MARCHF2: variants seen among roughly 807,000 people sequenced by gnomAD.
MARCHF2 encodes the protein membrane associated ring-CH-type finger 2.
A neutral mutation model predicts 24.0 loss-of-function variants in MARCHF2; 22 were observed. The ratio of observed to expected loss-of-function variants is 0.92; its 90% CI spans 0.66 to 1.31. The LOEUF is 1.31. Ranked by LOEUF, MARCHF2 falls within the 50% of genes most tolerant of loss-of-function variation. The pLI is 0.00. For synonymous variants in MARCHF2, 154 were observed against 153.0 expected (o/e 1.01, Z -0.05); for missense variants, 301 against 335.3 (o/e 0.90, Z 0.80).
At chr19:8,422,394 A>G (rs1327370851) in intron 2 of MARCHF2, among the ~76,000 whole-genome samples, 4 of 151,610 alleles carry the variant, frequency 2.6e-5, no homozygotes, top group Non-Finnish European at 1.5e-5. Flanking sequence ...TCACCACTGT[A>G]TCTCTCTTTT....
At chr19:8,420,115 G>A (rs1243217115) in intron 1 of MARCHF2, among the ~76,000 whole-genome samples, 5 of 150,088 alleles carry the variant, frequency 3.3e-5, no homozygotes, top group Admixed American at 1.3e-4. Context: ...CTGAGATCGC[G>A]CCACTGCACT....
chr19:8,428,885 A>C (rs1967495717), intron 3 of MARCHF2, among the ~76,000 whole-genome samples: 1 of 151,920 alleles, frequency 6.6e-6, no homozygotes, highest in Non-Finnish European at 1.5e-5. Flanking sequence ...CAGTGAGCCA[A>C]GATTGCACCA....
chr19:8,421,746 C>T (rs1370515155), intron 1 of MARCHF2, 43 bp from the exon 2 acceptor site: 3 of 1,158,290 alleles, frequency 2.6e-6, no homozygotes, highest in Non-Finnish European at 2.4e-6. Flanking sequence ...GTCCGTCAGG[C>T]TCATTAACCT....
chr19:8,415,721 C>CAAAAAAAAAAAAAAAAAAAAAAAAA (rs1309501077), intron 1 of MARCHF2, among the ~76,000 whole-genome samples: 4 of 17,846 alleles, frequency 2.2e-4, no homozygotes, highest in Admixed American at 7.2e-4. Context: ...AACTCCATCT[C>CAAAAAAAAAAAAAAAAAAAAAAAAA]AAAAAAAAAA....
chr19:8,427,435 C>T (rs1398428217), intron 3 of MARCHF2, among the ~76,000 whole-genome samples: 1 of 150,886 alleles, frequency 6.6e-6, no homozygotes, highest in Non-Finnish European at 1.5e-5. Context: ...ACCAACAAGA[C>T]ACGTAGGGCT....
chr19:8,418,886 A>G (rs1294711141), intron 1 of MARCHF2: 1 of 151,740 alleles, frequency 6.6e-6, no homozygotes, highest in Non-Finnish European at 1.5e-5. Flanking sequence ...GGGTGGGAAT[A>G]CTTCGCTGAG....
intron 2 of MARCHF2, among the ~76,000 whole-genome samples, chr19:8,426,138 G>C (rs1967392869): frequency 2.6e-5 from 4 of 151,228 alleles, no homozygotes; most frequent in Admixed American, 2.6e-4. Flanking sequence ...GGCTGAGGTG[G>C]GAGAATGGCG....
chr19:8,429,913 C>A (rs1967531918), intron 3 of MARCHF2, among the ~76,000 whole-genome samples: 1 of 151,406 alleles, frequency 6.6e-6, no homozygotes, highest in Non-Finnish European at 1.5e-5. Context: ...AGCAAGACTT[C>A]CCAGGTTGGA....
intron 3 of MARCHF2, among the ~76,000 whole-genome samples, chr19:8,429,739 A>G (rs1311471060): frequency 6.7e-6 from 1 of 149,118 alleles, no homozygotes; most frequent in African/African-American, 2.5e-5. Flanking sequence ...CCTGGCCTCA[A>G]GTGATCCACC....
At chr19:8,429,568 G>A (rs995970997) in intron 3 of MARCHF2, among the ~76,000 whole-genome samples, 1 of 151,142 alleles carries the variant, frequency 6.6e-6, no homozygotes, top group South Asian at 2.1e-4. Context: ...GCAGTGGCAC[G>A]ATCTTGGCTT....
At chr19:8,414,476 C>T (rs964543194) in intron 1 of MARCHF2, among the ~76,000 whole-genome samples, 91 of 152,256 alleles carry the variant, frequency 6.0e-4, no homozygotes, top group African/African-American at 2.0e-3. Context: ...ACCATGTTGA[C>T]CAGGCTGGTC....
chr19:8,415,739 A>AAAAAAAC (rs1568233676), intron 1 of MARCHF2, among the ~76,000 whole-genome samples: 20 of 96,828 alleles, frequency 2.1e-4, no homozygotes, highest in African/African-American at 7.5e-4. Flanking sequence ...AAAAAACAAA[A>AAAAAAAC]AAAACAAAAA....
chr19:8,413,315 G>C lies in MARCHF2; in HGVS notation c.-158G>C, dbSNP rs1224192944. ...CGGCGGGCGGTGCCCGGACGCAGGT[G>C]CCGGCCGGAGCGGAGCTAGTGGCGC... On this transcript the variant is annotated 5_prime_UTR_variant, in exon 1 of 5. Coordinates refer to ENST00000215555, the MANE Select transcript of MARCHF2 (RefSeq NM_001005415.2). 1 of 152,034 alleles carries C rather than the reference G, an allele frequency of 6.6e-6. No individual in the cohort carries two copies. The highest frequency in any genetic ancestry group is 2.4e-5 in the African/African-American group (1 of 41,520). The allele number at this position is 152,034 out of a possible 1,614,324, so 9.4% of individuals were successfully genotyped here. A position where few individuals can be genotyped will look rare whatever the true frequency, so the allele number is the denominator to read the frequency against.
At chr19:8,420,598 A>G (rs1236381741) in intron 1 of MARCHF2, among the ~76,000 whole-genome samples, 2 of 151,244 alleles carry the variant, frequency 1.3e-5, no homozygotes, top group Admixed American at 1.3e-4. Context: ...ATATTAGTTG[A>G]AAGGTGGTCC....
In MARCHF2 at chr19:8,430,524, GA is replaced by G; in HGVS notation, c.373-132del. On this transcript the variant is annotated intron_variant, in intron 3 of 4. Coordinates refer to ENST00000215555, the MANE Select transcript of MARCHF2 (RefSeq NM_001005415.2). The surrounding 1 kb of genome is among the most constrained non-coding windows in gnomAD (Gnocchi z 4.4). ...CACTCCATCCTGGGCAACAGAGTGA[GA>G]ATCTGTCTCAAAAAAAAAAAAAAGA... 1.5e-6 allele frequency: 1 copy of G among 672,390 alleles called. No homozygotes were observed. Among genetic ancestry groups the G allele is most frequent in the South Asian group, 1.9e-5 (1 of 52,636 alleles). 41.7% of individuals were successfully genotyped at this position (672,390 alleles called of 1,614,324 possible).
chr19:8,438,014 G>A (rs1967775997), intron 4 of MARCHF2, among the ~76,000 whole-genome samples: 1 of 151,896 alleles, frequency 6.6e-6, no homozygotes, highest in Non-Finnish European at 1.5e-5. Context: ...CTTCCCCCGT[G>A]CCCGGGCTCC....
rs1411454179 is a variant in MARCHF2 at position 8,438,736 on chromosome 19, T to TG, written c.*190_*191insG. On this transcript the variant is annotated 3_prime_UTR_variant, in exon 5 of 5. Transcript: ENST00000215555. ...TGTGAAGATATTTTCAGGGTTTTTT[T>TG]TTTTTTTTTTTTGCATATGGAGGAC... The TG allele has an allele frequency of 0.021, 11,457 of 542,334 alleles. 5 individuals carry two copies. Among genetic ancestry groups the TG allele is most frequent in the East Asian group, 0.052 (1,459 of 28,264 alleles). The allele number at this position is 542,334 out of a possible 1,614,324, so 33.6% of individuals were successfully genotyped here. A position where few individuals can be genotyped will look rare whatever the true frequency, so the allele number is the denominator to read the frequency against.
intron 1 of MARCHF2, among the ~76,000 whole-genome samples, chr19:8,415,443 G>GC (rs1967051298): frequency 6.6e-6 from 1 of 150,706 alleles, no homozygotes; most frequent in African/African-American, 2.4e-5. Flanking sequence ...AATAGGCCAG[G>GC]CGCGGTGACT....
At chr19:8,433,878 A>T (rs1319533182) in intron 4 of MARCHF2, among the ~76,000 whole-genome samples, 3 of 149,248 alleles carry the variant, frequency 2.0e-5, no homozygotes, top group Admixed American at 6.6e-5. Context: ...TCTCAAAAAA[A>T]AAAAAAAGAA....
Sources: gnomAD v4.1 joint callset for allele counts (sites outside exome capture counted in the v4.1 genomes callset) on GRCh38, gnomAD v4.1.1 for gene constraint, Gnocchi (gnomAD v3.1) non-coding constraint, MANE v1.5 for transcripts, NCBI Gene and HGNC (gene_info 2026-07-23, HGNC 2026-07-21) for gene names.